The following PLEKHA5 variants were observed in gnomAD, a reference collection of about 807,000 sequenced individuals.
PLEKHA5 encodes the protein pleckstrin homology domain containing A5, also known as pleckstrin homology domain-containing family A member 5.
PLEKHA5 carries 55 observed loss-of-function variants against 181.9 expected under a neutral mutation model. The observed-to-expected ratio is 0.30, with a 90% CI of 0.24 to 0.38. PLEKHA5 has a LOEUF of 0.38. Among genes scored for constraint, PLEKHA5 ranks in the 10% least tolerant of loss-of-function variants. PLEKHA5 has a pLI of 1.00. For missense variants in PLEKHA5, 1,432 were observed against 1,549.5 expected, an observed-to-expected ratio of 0.92 and a Z score of 1.27; for synonymous variants, 535 against 529.4, an observed-to-expected ratio of 1.01 and a Z score of -0.15.
At chr12:19,325,176 G>A (rs1244555809) in intron 20 of PLEKHA5, among the ~76,000 whole-genome samples, 1 of 152,114 alleles carries the variant, frequency 6.6e-6, no homozygotes, top group South Asian at 2.1e-4. Context: ...AGGATTGCTT[G>A]GGCCCAGGAG....
At chr12:19,134,006 A>G (rs1245600225) in intron 3 of PLEKHA5, among the ~76,000 whole-genome samples, 1 of 152,070 alleles carries the variant, frequency 6.6e-6, no homozygotes, top group East Asian at 1.9e-4. Flanking sequence ...ACTACTGTAC[A>G]TTAAGCCTAG....
intron 31 of PLEKHA5, chr12:19,371,385 T>A (rs944256450): frequency 1.3e-5 from 2 of 152,322 alleles, no homozygotes; most frequent in Non-Finnish European, 1.5e-5. Flanking sequence ...GGAAGAATTG[T>A]ATAGTGGTGA....
intron 25 of PLEKHA5, among the ~76,000 whole-genome samples, chr12:19,350,955 CTTTT>C (rs35006570): frequency 8.9e-6 from 1 of 112,530 alleles, no homozygotes; most frequent in Non-Finnish European, 1.8e-5. Context: ...TATTCAAAGT[CTTTT>C]TTTTTTTTTT....
Position 19,376,013 on chromosome 12 carries a change from A to T in PLEKHA5, c.*494A>T, listed in dbSNP as rs763670737. 30 of 152,458 alleles carry T rather than the reference A, an allele frequency of 2.0e-4. No individual in the cohort carries two copies. The highest frequency in any genetic ancestry group is 8.3e-4 in the South Asian group (4 of 4,816). 9.4% of individuals were successfully genotyped at this position (152,458 alleles called of 1,614,324 possible). On this transcript the variant is annotated 3_prime_UTR_variant, in exon 32 of 32. Transcript: ENST00000429027. ...GTAAAAATTTTATATATATGTATTT[A>T]AAATGTGCCATTTTATTGCTAAGTG...
Position 19,322,327 on chromosome 12 carries a change from A to G in PLEKHA5, c.2235A>G (p.Leu745=), listed in dbSNP as rs775580093. The G allele has an allele frequency of 3.1e-6, 5 of 1,613,022 alleles. No individual in the cohort carries two copies. The Admixed American group carries it at 5.0e-5, about 16-fold the overall frequency. Residue 745 remains leucine, a synonymous_variant, in exon 19 of 32, where the codon TTA becomes TTG. Coordinates refer to ENST00000429027, the MANE Select transcript of PLEKHA5 (RefSeq NM_001256470.2). ...TAACCTAGGCCAAGTTAAGCCGATT[A>G]TGTGAACAAGATAAAGTGGTGCATG... ...EVDIDAKLSR[L]CEQDKVVHAL... is the part of the protein sequence containing the mutation.
At chr12:19,297,846 A>G (rs1197014323) in intron 15 of PLEKHA5, among the ~76,000 whole-genome samples, 2 of 151,260 alleles carry the variant, frequency 1.3e-5, no homozygotes, top group Admixed American at 6.6e-5. Context: ...CAGCACCTAT[A>G]TATGTGTCTT....
intron 15 of PLEKHA5, among the ~76,000 whole-genome samples, chr12:19,309,588 T>G (rs935711768): frequency 6.6e-6 from 1 of 151,942 alleles, no homozygotes; most frequent in African/African-American, 2.4e-5. Flanking sequence ...AAACCCCGTC[T>G]TTACTAAAAA....
chr12:19,307,141 G>GT (rs2084193318), intron 15 of PLEKHA5: 1 of 820,822 alleles, frequency 1.2e-6, no homozygotes, highest in Admixed American at 1.9e-5. Flanking sequence ...TGCTGGTCTT[G>GT]TTTCACCAAG....
At chr12:19,225,125 ATACAGTAGG>A (rs755175883) in intron 3 of PLEKHA5, among the ~76,000 whole-genome samples, 67 of 152,316 alleles carry the variant, frequency 4.4e-4, no homozygotes, top group Middle Eastern at 3.4e-3. Context: ...CCTTGATTCC[ATACAGTAGG>A]AAGTGCCCAT....
intron 3 of PLEKHA5, among the ~76,000 whole-genome samples, chr12:19,217,172 G>A (rs116261275): frequency 7.4e-4 from 113 of 152,226 alleles, no homozygotes; most frequent in African/African-American, 2.6e-3. Flanking sequence ...GGATACATGG[G>A]GTTTTTCAGT....
chr12:19,269,002 C>G (rs909519444), intron 8 of PLEKHA5, among the ~76,000 whole-genome samples: 5 of 151,964 alleles, frequency 3.3e-5, no homozygotes, highest in African/African-American at 1.2e-4. Context: ...AAATTGCTAA[C>G]GCAGGAGGGA....
chr12:19,367,258 CTTTTTTTTT>C (rs376634416), intron 30 of PLEKHA5, among the ~76,000 whole-genome samples: 48 of 72,018 alleles, frequency 6.7e-4, no homozygotes, highest in African/African-American at 3.9e-4. Context: ...TTTGCTTCTT[CTTTTTTTTT>C]TTTTTTTTTT....
intron 3 of PLEKHA5, among the ~76,000 whole-genome samples, chr12:19,163,325 A>C (rs1011730721): frequency 2.0e-5 from 3 of 152,090 alleles, no homozygotes; most frequent in Admixed American, 2.0e-4. Context: ...TACAGGCGCC[A>C]GCCACAACGC....
chr12:19,331,040 T>G (rs548843270), intron 20 of PLEKHA5, among the ~76,000 whole-genome samples: 3 of 152,306 alleles, frequency 2.0e-5, no homozygotes, highest in Non-Finnish European at 4.4e-5. Context: ...GAAAAATGAA[T>G]TGACATTTCT....
At chr12:19,280,294 C>CCAAAG (rs1307513756) in intron 11 of PLEKHA5, among the ~76,000 whole-genome samples, 4 of 152,010 alleles carry the variant, frequency 2.6e-5, no homozygotes, top group African/African-American at 9.7e-5. Flanking sequence ...CCTTGGCCTC[C>CCAAAG]CAAAGTGCTG....
intron 21 of PLEKHA5, among the ~76,000 whole-genome samples, chr12:19,338,386 G>A (rs1003329725): frequency 1.4e-4 from 21 of 151,814 alleles, no homozygotes; most frequent in Non-Finnish European, 2.4e-4. Flanking sequence ...TTGGGAGGCC[G>A]TGGTGGGAGG....
Position 19,361,608 on chromosome 12 carries a change from T to C in PLEKHA5, c.3510T>C (p.Tyr1170=), listed in dbSNP as rs754245382. 3 of 1,524,280 alleles carry C rather than the reference T, an allele frequency of 2.0e-6. No homozygotes were observed. Among genetic ancestry groups the C allele is most frequent in the Non-Finnish European group, 1.8e-6 (2 of 1,110,588 alleles). 94.4% of individuals were successfully genotyped at this position (1,524,280 alleles called of 1,614,324 possible). The change falls in exon 29 of 32, where the codon TAT becomes TAC. Residue 1170 remains tyrosine (Y), a synonymous_variant. Coordinates refer to ENST00000429027, the MANE Select transcript of PLEKHA5 (RefSeq NM_001256470.2). ...TAAAAAAAACTGAAAACATTTCATA[T>C]GAAATGCTTTTTGAACCTGAGCCAA... ...KELKKTENIS[Y]EMLFEPEPNG...
chr12:19,133,819 A>T (rs2151001526), intron 3 of PLEKHA5, among the ~76,000 whole-genome samples: 1 of 152,126 alleles, frequency 6.6e-6, no homozygotes, highest in Admixed American at 6.5e-5. Flanking sequence ...GGCCTAAAAA[A>T]ATACTTGAGT....
At chr12:19,261,711 A>T (rs2068558343) in intron 7 of PLEKHA5, among the ~76,000 whole-genome samples, 1 of 152,206 alleles carries the variant, frequency 6.6e-6, no homozygotes. Flanking sequence ...AACTTTGGAT[A>T]ATGAAAGAAT....
Sources: gnomAD v4.1 joint callset for allele counts (sites outside exome capture counted in the v4.1 genomes callset) on GRCh38, gnomAD v4.1.1 for gene constraint, MANE v1.5 for transcripts, NCBI Gene and HGNC (gene_info 2026-07-23, HGNC 2026-07-21) for gene names.